Variants in COL22A1 observed in about 807,000 individuals in gnomAD.
COL22A1 encodes collagen alpha-1(XXII) chain.
COL22A1 carries 221 observed loss-of-function variants against 248.9 expected under a neutral mutation model. That is an observed-to-expected ratio of 0.89 (90% confidence interval 0.80 to 0.99). The LOEUF is 0.99. Ranked by LOEUF, COL22A1 falls within the 50% of genes least tolerant of loss-of-function variation. COL22A1 has a pLI of 0.00. For synonymous variants in COL22A1, 891 were observed against 793.4 expected (o/e 1.12, Z -2.07); for missense variants, 2,240 against 2,179.0 (o/e 1.03, Z -0.56).
rs1255692847 is a variant in COL22A1 at position 138,757,836 on chromosome 8, A to AT, written c.1903-2008_1903-2007insA. ...TCAATTTCTTCCCACAATATGGGTGACACATTTTTGTAAAGATCAGTTGTG... is the reference window on the plus strand; with the variant it reads ...TCAATTTCTTCCCACAATATGGGTGATCACATTTTTGTAAAGATCAGTTGTG... On this transcript the variant is annotated intron_variant, in intron 18 of 64. Coordinates refer to ENST00000303045, the MANE Select transcript of COL22A1 (RefSeq NM_152888.3). Among the ~76,000 whole-genome samples the AT allele has an allele frequency of 2.6e-5, 4 of 152,232 alleles. No homozygotes were observed. In the East Asian group the frequency reaches 7.7e-4, roughly 29 times the overall value.
intron 1 of COL22A1, among the ~76,000 whole-genome samples, chr8:138,891,545 C>A (rs997303870): frequency 6.6e-6 from 1 of 152,168 alleles, no homozygotes; most frequent in African/African-American, 2.4e-5. Context: ...TTCATTTAGT[C>A]TGAACAGTAG....
intron 41 of COL22A1, among the ~76,000 whole-genome samples, chr8:138,668,014 T>A (rs1034694583): frequency 6.6e-6 from 1 of 151,486 alleles, no homozygotes; most frequent in African/African-American, 2.4e-5. Context: ...AAAAAAAAAT[T>A]TGAAACATCC....
At chr8:138,756,975 G>A (rs982595872) in intron 18 of COL22A1, among the ~76,000 whole-genome samples, 2 of 152,080 alleles carry the variant, frequency 1.3e-5, no homozygotes, top group East Asian at 1.9e-4. Flanking sequence ...CAGAGAAATC[G>A]AGTCCTGCCT....
At chr8:138,738,180 C>A (rs1586613113) in intron 22 of COL22A1, among the ~76,000 whole-genome samples, 1 of 152,142 alleles carries the variant, frequency 6.6e-6, no homozygotes, top group Admixed American at 6.5e-5. Flanking sequence ...ATTGAAACAA[C>A]CCCCTCCTCG....
chr8:138,796,480 G>A (rs937709530), intron 12 of COL22A1, among the ~76,000 whole-genome samples: 7 of 140,836 alleles, frequency 5.0e-5, no homozygotes, highest in African/African-American at 1.9e-4. Flanking sequence ...TCTTAATTGG[G>A]ACCTGCCCCC....
chr8:138,877,753 C>G lies in COL22A1; in HGVS notation c.655G>C (p.Glu219Gln), dbSNP rs1226459082. ...IRGKLRRRLC[E>Q]NVLCPSVRVE... ...CATGGGGCCCGGGCGCACTCACTTT[C>G]ACAAAGACGGCGCCGCAGCTTGCCC... The change falls in exon 3 of 65, where the codon GAA (glutamate) becomes CAA (glutamine). Residue 219 changes from glutamate to glutamine, a missense_variant. Transcript: ENST00000303045. 1 of 1,578,656 alleles carries G rather than the reference C, an allele frequency of 6.3e-7. No homozygotes were observed. Among genetic ancestry groups the G allele is most frequent in the Non-Finnish European group, 8.6e-7 (1 of 1,160,602 alleles).
intron 22 of COL22A1, among the ~76,000 whole-genome samples, chr8:138,751,157 T>A (rs1832566341): frequency 6.6e-6 from 1 of 152,210 alleles, no homozygotes; most frequent in Non-Finnish European, 1.5e-5. Context: ...CTTCTCTGTA[T>A]ACCCTCAGCA....
chr8:138,912,569 C>T (rs1415296192), intron 1 of COL22A1, among the ~76,000 whole-genome samples: 1 of 152,138 alleles, frequency 6.6e-6, no homozygotes, highest in African/African-American at 2.4e-5. Flanking sequence ...GGAGAAACCG[C>T]ATCTCTACTA....
At chr8:138,704,563 C>G (rs999283231) in intron 30 of COL22A1, among the ~76,000 whole-genome samples, 1 of 152,218 alleles carries the variant, frequency 6.6e-6, no homozygotes, top group East Asian at 1.9e-4. Context: ...AGCTGAGGGT[C>G]CTGACTGTTA....
intron 2 of COL22A1, among the ~76,000 whole-genome samples, chr8:138,882,661 C>T (rs1279797876): frequency 6.6e-6 from 1 of 151,368 alleles, no homozygotes; most frequent in African/African-American, 2.4e-5. Flanking sequence ...CTCACACACT[C>T]CCTCAAACTC....
At chr8:138,715,007 A>G (rs2131086017) in intron 30 of COL22A1, among the ~76,000 whole-genome samples, 1 of 152,284 alleles carries the variant, frequency 6.6e-6, no homozygotes, top group African/African-American at 2.4e-5. Context: ...AGTGGTGTTC[A>G]GAGAGAGATT....
intron 21 of COL22A1, among the ~76,000 whole-genome samples, 153 bp downstream of exon 21, chr8:138,755,004 G>A (rs1304961131): frequency 2.0e-5 from 3 of 152,104 alleles, no homozygotes; most frequent in Admixed American, 6.5e-5. Context: ...TTTTTCCTAC[G>A]TGAGACGTGA....
chr8:138,750,897 A>G (rs1371968401), intron 22 of COL22A1, among the ~76,000 whole-genome samples: 1 of 152,212 alleles, frequency 6.6e-6, no homozygotes, highest in East Asian at 1.9e-4. Flanking sequence ...CAACCCAAGC[A>G]TGCTTCTGCA....
At chr8:138,600,851 T>G (rs916110245) in intron 60 of COL22A1, among the ~76,000 whole-genome samples, 1 of 152,238 alleles carries the variant, frequency 6.6e-6, no homozygotes, top group Admixed American at 6.5e-5. Flanking sequence ...AAAGTCCTGA[T>G]ATTTGTACAC....
At chr8:138,693,216 G>A (rs1827228935) in intron 35 of COL22A1, among the ~76,000 whole-genome samples, 1 of 152,120 alleles carries the variant, frequency 6.6e-6, no homozygotes, top group African/African-American at 2.4e-5. Context: ...AGAGGTGTCT[G>A]TATGTTTTCC....
chr8:138,748,499 G>C (rs1261297439), intron 22 of COL22A1, among the ~76,000 whole-genome samples: 2 of 152,224 alleles, frequency 1.3e-5, no homozygotes, highest in African/African-American at 4.8e-5. Context: ...AGGGGCCACT[G>C]GTGGCTGTGC....
At chr8:138,838,554 A>G (rs1409029508) in intron 4 of COL22A1, among the ~76,000 whole-genome samples, 5 of 152,168 alleles carry the variant, frequency 3.3e-5, no homozygotes, top group Non-Finnish European at 7.3e-5. Flanking sequence ...TCAAAAAGCA[A>G]GCCTATGCTC....
chr8:138,665,545 T>C (rs1407742617), intron 41 of COL22A1, among the ~76,000 whole-genome samples: 1 of 152,246 alleles, frequency 6.6e-6, no homozygotes, highest in Non-Finnish European at 1.5e-5. Flanking sequence ...CCTGCAGAAC[T>C]TCAGCTCAAA....
chr8:138,627,410 G>A (rs1820333218), intron 50 of COL22A1, among the ~76,000 whole-genome samples: 2 of 152,100 alleles, frequency 1.3e-5, no homozygotes, highest in African/African-American at 2.4e-5. Context: ...TGCATTAAAT[G>A]TTTGCTAATT....
Sources: gnomAD v4.1 joint callset for allele counts (sites outside exome capture counted in the v4.1 genomes callset) on GRCh38, gnomAD v4.1.1 for gene constraint, MANE v1.5 for transcripts, NCBI Gene and HGNC (gene_info 2026-07-23, HGNC 2026-07-21) for gene names.